Variants in FASTKD1 observed in about 807,000 individuals in gnomAD.
The protein encoded by FASTKD1 is FAST kinase domain-containing protein 1, mitochondrial.
FASTKD1 carries 94 observed loss-of-function variants against 90.9 expected under a neutral mutation model. That is an observed-to-expected ratio of 1.03 (90% CI 0.88 to 1.23). The LOEUF (loss-of-function observed/expected upper bound fraction) is 1.23, where lower values mean the gene tolerates loss of function less well. FASTKD1 is among the 50% of genes most tolerant of loss of function. The pLI is 0.00. For synonymous variants in FASTKD1, 319 were observed against 345.8 expected (o/e 0.92, Z 0.86); for missense variants, 945 against 993.5 (o/e 0.95, Z 0.66).
At chr2:169,544,933 C>T (rs950555423) in intron 8 of FASTKD1, 98 bp from the exon 9 acceptor site, 39 of 633,440 alleles carry the variant, frequency 6.2e-5, no homozygotes, top group Admixed American at 5.9e-4. Flanking sequence ...TTCCTATCAT[C>T]GCTACAGTTA....
intron 7 of FASTKD1, among the ~76,000 whole-genome samples, chr2:169,552,369 C>A (rs1685524695): frequency 1.3e-5 from 2 of 152,044 alleles, no homozygotes; most frequent in Non-Finnish European, 2.9e-5. Flanking sequence ...GTTAACATAC[C>A]TAGAAGTATT....
intron 12 of FASTKD1, chr2:169,536,995 A>ACT: frequency 1.3e-5 from 3 of 239,762 alleles, no homozygotes; most frequent in East Asian, 9.6e-5. Context: ...ACTGACCTTA[A>ACT]TTTTTTTTTT....
chr2:169,542,847 C>G (rs1467859089), intron 9 of FASTKD1, among the ~76,000 whole-genome samples: 4 of 152,158 alleles, frequency 2.6e-5, no homozygotes, highest in South Asian at 2.1e-4. Context: ...TGGCAAGACT[C>G]CGTCTCAAAA....
At chr2:169,530,872 TTTAG>T (rs1429427405) in intron 13 of FASTKD1, 171 bp from the exon 14 acceptor site, 1 of 670,164 alleles carries the variant, frequency 1.5e-6, no homozygotes, top group Non-Finnish European at 2.7e-6. Context: ...GACAAACCTA[TTTAG>T]TTACACAAAA....
At chr2:169,569,888 T>G (rs998954514) in intron 2 of FASTKD1, among the ~76,000 whole-genome samples, 1 of 152,052 alleles carries the variant, frequency 6.6e-6, no homozygotes, top group Non-Finnish European at 1.5e-5. Flanking sequence ...AAGAAAATGT[T>G]TGTAAAAAAA....
At chr2:169,562,097 A>T (rs946985660) in intron 4 of FASTKD1, among the ~76,000 whole-genome samples, 2 of 126,762 alleles carry the variant, frequency 1.6e-5, no homozygotes, top group Admixed American at 8.8e-5. Flanking sequence ...ATTTATTGTA[A>T]AATAATTATT....
At chr2:169,530,061 C>T (rs1370992004) in intron 14 of FASTKD1, 135 bp from the exon 15 acceptor site, 3 of 638,980 alleles carry the variant, frequency 4.7e-6, no homozygotes, top group Non-Finnish European at 8.0e-6. Context: ...GCCTGTGAAC[C>T]TCTACTGGAA....
intron 7 of FASTKD1, among the ~76,000 whole-genome samples, chr2:169,550,337 C>A (rs1287630429): frequency 1.3e-5 from 2 of 151,220 alleles, no homozygotes; most frequent in Admixed American, 6.6e-5. Context: ...GGTAAAATGG[C>A]CAAAAACAAA....
At chr2:169,554,990 G>C (rs1165957699) in intron 7 of FASTKD1, 134 bp downstream of exon 7, 1 of 761,672 alleles carries the variant, frequency 1.3e-6, no homozygotes, top group South Asian at 2.0e-5. Context: ...GAGGGAGATA[G>C]TGTCTTAACA....
chr2:169,562,067 TG>T lies in FASTKD1; in HGVS notation c.572+1157del, dbSNP rs1683708138. Among the ~76,000 whole-genome samples, 4 of 131,858 alleles carry T rather than the reference TG, an allele frequency of 3.0e-5. 2 individuals carry two copies. The highest frequency in any genetic ancestry group is 5.7e-5 in the African/African-American group (2 of 35,210). 86.5% of individuals were successfully genotyped at this position (131,858 alleles called of 152,430 possible). A position where few individuals can be genotyped will look rare whatever the true frequency, so the allele number is the denominator to read the frequency against. On this transcript the variant is annotated intron_variant, in intron 4 of 14. Transcript: ENST00000453153. Reference sequence around the variant, plus strand: ...GTAAATTAATTATTTATTAATTTATTGTAAAATAATTATTTATTAATTTATT... The same window carrying T: ...GTAAATTAATTATTTATTAATTTATTTAAAATAATTATTTATTAATTTATT...
intron 7 of FASTKD1, among the ~76,000 whole-genome samples, chr2:169,548,420 TAAAAA>T (rs35933613): frequency 8.4e-5 from 12 of 142,880 alleles, no homozygotes; most frequent in African/African-American, 2.9e-4. Context: ...CAATAATTGT[TAAAAA>T]AAAAAAAAAA....
intron 3 of FASTKD1, among the ~76,000 whole-genome samples, chr2:169,568,628 T>TAAA (rs10618482): frequency 5.3e-4 from 22 of 41,540 alleles, no homozygotes; most frequent in Non-Finnish European, 5.9e-4. Flanking sequence ...CCCTGTCCAT[T>TAAA]AAAAAAAAAA....
At chr2:169,557,119 T>C in intron 6 of FASTKD1, 68 bp downstream of exon 6, 1 of 1,010,712 alleles carries the variant, frequency 9.9e-7, no homozygotes, top group Non-Finnish European at 1.6e-6. Context: ...AAAACCATTT[T>C]TCCTTAGAAA....
At chr2:169,532,945 A>G (rs554258878) in intron 12 of FASTKD1, among the ~76,000 whole-genome samples, 28 of 152,314 alleles carry the variant, frequency 1.8e-4, no homozygotes, top group African/African-American at 6.7e-4. Context: ...AATTTTATCT[A>G]AAATTTCCCA....
chr2:169,561,942 A>ATAAATTAATTATTAATTTATTG (rs1683676068), intron 4 of FASTKD1, among the ~76,000 whole-genome samples: 5 of 137,950 alleles, frequency 3.6e-5, no homozygotes, highest in South Asian at 2.2e-4. Context: ...TTAATTTATT[A>ATAAATTAATTATTAATTTATTG]TAAATTAATT....
Position 169,544,747 on chromosome 2 carries a change from C to T in FASTKD1, c.1790G>A (p.Cys597Tyr). 1 of 1,607,032 alleles carries T rather than the reference C, an allele frequency of 6.2e-7. No individual in the cohort carries two copies. Among genetic ancestry groups the T allele is most frequent in the Non-Finnish European group, 8.5e-7 (1 of 1,173,950 alleles). The stretch of plus-strand genomic sequence containing the variant: ...TAAGTAAGAATTAAGATGTTGCACG[C>T]AAGTTCCCAAAAATTCATCCCTTTG... ...PPQRDEFLGT[C>Y]VQHLNSYLGI... The change falls in exon 9 of 15, where the codon TGC becomes TAC. Residue 597 changes from cysteine (C) to tyrosine (Y), a missense_variant. Cys to Tyr is a radical substitution (Grantham distance 194, BLOSUM62 -2). Coordinates refer to ENST00000453153, the MANE Select transcript of FASTKD1 (RefSeq NM_024622.6).
At chr2:169,567,051 C>T (rs1574414274) in intron 3 of FASTKD1, among the ~76,000 whole-genome samples, 1 of 151,626 alleles carries the variant, frequency 6.6e-6, no homozygotes, top group South Asian at 2.1e-4. Context: ...GGAGGCGGAG[C>T]TTGCAGTGAG....
At chr2:169,534,044 G>A (rs998841614) in intron 12 of FASTKD1, among the ~76,000 whole-genome samples, 3 of 151,850 alleles carry the variant, frequency 2.0e-5, no homozygotes, top group African/African-American at 7.3e-5. Flanking sequence ...GGTGGTGTGT[G>A]CCTGTAGACC....
At position 169,555,148 on chromosome 2, in the gene FASTKD1, G is replaced by A. The variant is rs757051699; in HGVS notation, c.1190C>T (p.Ala397Val). 97 of 1,610,664 alleles carry A rather than the reference G, an allele frequency of 6.0e-5. No homozygotes were observed. Among genetic ancestry groups the A allele is most frequent in the Middle Eastern group, 1.6e-4 (1 of 6,078 alleles). ...CCTAAGCAGTAATTCTCTAAGTTTC[G>A]CAAAAAACTCCTTCCTTTGGAAATG... is the stretch of plus-strand genomic sequence containing the variant. ...FLHFQRKEFFAKLRELLLSYL... is the reference protein window; with the variant it reads ...FLHFQRKEFFVKLRELLLSYL... Residue 397 changes from alanine to valine, a missense_variant, in exon 7 of 15, where the codon GCG becomes GTG. Physicochemically the swap from Ala to Val is moderately conservative, Grantham distance 64 (BLOSUM62 0). Transcript: ENST00000453153.
Sources: gnomAD v4.1 joint callset for allele counts (sites outside exome capture counted in the v4.1 genomes callset) on GRCh38, gnomAD v4.1.1 for gene constraint, MANE v1.5 for transcripts, NCBI Gene and HGNC (gene_info 2026-07-23, HGNC 2026-07-21) for gene names.